CDH4: variants seen among roughly 807,000 people sequenced by gnomAD.
The protein encoded by CDH4 is cadherin 4.
CDH4 carries 33 observed loss-of-function variants against 86.0 expected under a neutral mutation model. The observed-to-expected ratio is 0.38, with a 90% CI of 0.29 to 0.51. The LOEUF (loss-of-function observed/expected upper bound fraction) is 0.51, where lower values mean the gene tolerates loss of function less well. CDH4 is among the 20% of genes least tolerant of loss of function. The probability of loss-of-function intolerance (pLI) is 0.86; values close to 1 mark genes in which losing one functional copy is unlikely to be tolerated. For synonymous variants in CDH4, 555 were observed against 549.4 expected (o/e 1.01, Z -0.14); for missense variants, 1,114 against 1,307.4 (o/e 0.85, Z 2.28).
In CDH4 at chr20:61,547,404, C is replaced by T. The variant is rs549868262; in HGVS notation, c.170-196159C>T. On this transcript the variant is annotated intron_variant, in intron 2 of 15. Coordinates refer to ENST00000614565, the MANE Select transcript of CDH4 (RefSeq NM_001794.5). Reference sequence around the variant, plus strand: ...ATTTTTTTTGTATTTTTAGTAGAGACGGGGTTTCACTACATTAGCCAGGAT... The same window carrying T: ...ATTTTTTTTGTATTTTTAGTAGAGATGGGGTTTCACTACATTAGCCAGGAT... Among the ~76,000 whole-genome samples the T allele has an allele frequency of 4.6e-5, 7 of 151,716 alleles. No homozygotes were observed. The South Asian group carries it at 1.5e-3, about 32-fold the overall frequency.
chr20:61,716,403 G>A (rs772031613), intron 2 of CDH4, among the ~76,000 whole-genome samples: 6 of 152,198 alleles, frequency 3.9e-5, no homozygotes, highest in African/African-American at 7.2e-5. Flanking sequence ...AGGGGTGGAC[G>A]CTCATCACCT....
chr20:61,489,651 G>A (rs759486159), intron 2 of CDH4, among the ~76,000 whole-genome samples: 2 of 152,254 alleles, frequency 1.3e-5, no homozygotes, highest in Non-Finnish European at 2.9e-5. Flanking sequence ...GGCCAGTCCT[G>A]ACGTTAATAA....
chr20:61,615,078 T>A (rs1291056620), intron 2 of CDH4, among the ~76,000 whole-genome samples: 2 of 151,966 alleles, frequency 1.3e-5, no homozygotes, highest in Non-Finnish European at 2.9e-5. Context: ...TTCTCTGCAT[T>A]GGAAATGTGT....
chr20:61,765,537 C>T (rs1397053512), intron 3 of CDH4, among the ~76,000 whole-genome samples: 2 of 152,196 alleles, frequency 1.3e-5, no homozygotes, highest in African/African-American at 4.8e-5. Context: ...AGCTCAGCTG[C>T]AGCAGAGCAG....
chr20:61,692,293 CTGTG>C lies in CDH4; in HGVS notation c.170-51260_170-51257del, dbSNP rs536903165. Among the ~76,000 whole-genome samples the C allele has an allele frequency of 1.5e-3, 223 of 149,412 alleles. 1 individual carries two copies. Among genetic ancestry groups the C allele is most frequent in the South Asian group, 4.8e-3 (23 of 4,754 alleles). ...TGTGTCTTTGTGTGTGTGTGTGTGTCTGTGTGTGTGTGTATGTAACTTGTTTTTA... is the reference window on the plus strand; with the variant it reads ...TGTGTCTTTGTGTGTGTGTGTGTGTCTGTGTGTGTATGTAACTTGTTTTTA... On this transcript the variant is annotated intron_variant, in intron 2 of 15. Coordinates refer to ENST00000614565, the MANE Select transcript of CDH4 (RefSeq NM_001794.5).
intron 3 of CDH4, among the ~76,000 whole-genome samples, chr20:61,750,983 T>C (rs1004368656): frequency 2.6e-5 from 4 of 152,232 alleles, no homozygotes; most frequent in African/African-American, 9.6e-5. Flanking sequence ...TGGAGGGATA[T>C]GCTGAGCTCA....
chr20:61,892,772 C>T (rs1411481989), intron 7 of CDH4, among the ~76,000 whole-genome samples: 6 of 152,164 alleles, frequency 3.9e-5, no homozygotes, highest in Non-Finnish European at 8.8e-5. Context: ...GGGCTAGGCT[C>T]AGCTGGAAAA....
intron 9 of CDH4, among the ~76,000 whole-genome samples, chr20:61,913,268 G>T (rs905092916): frequency 6.6e-6 from 1 of 152,180 alleles, no homozygotes; most frequent in Non-Finnish European, 1.5e-5. Flanking sequence ...AAGGAAGAAG[G>T]CTGGCTCGAT....
chr20:61,342,970 G>C (rs2084656896), intron 2 of CDH4, among the ~76,000 whole-genome samples: 1 of 152,214 alleles, frequency 6.6e-6, no homozygotes, highest in African/African-American at 2.4e-5. Flanking sequence ...GAAGCCTCTT[G>C]AATATGAATG....
rs78377754 is a variant in CDH4, at chr20:61,499,512, G to A, written c.170-244051G>A. On this transcript the variant is annotated intron_variant, in intron 2 of 15. Transcript: ENST00000614565. ...AAGAAGGCAAGTGTGAGTGTGCTAG[G>A]GGGGCTTAGGGTTGTTTGTGGGCCA... 5 of 1,288,822 alleles carry A rather than the reference G, an allele frequency of 3.9e-6. No homozygotes were observed. In the Admixed American group the frequency reaches 1.1e-4, roughly 30 times the overall value. 79.8% of individuals were successfully genotyped at this position (1,288,822 alleles called of 1,614,324 possible). A position where few individuals can be genotyped will look rare whatever the true frequency, so the allele number is the denominator to read the frequency against.
intron 2 of CDH4, among the ~76,000 whole-genome samples, chr20:61,319,507 G>T (rs2084496411): frequency 6.6e-6 from 1 of 152,162 alleles, no homozygotes; most frequent in East Asian, 1.9e-4. Context: ...GCATGCGGAG[G>T]TCTCTTTGAG....
At chr20:61,767,260 TTGTG>T (rs1393620690) in intron 3 of CDH4, among the ~76,000 whole-genome samples, 1 of 152,176 alleles carries the variant, frequency 6.6e-6, no homozygotes, top group Non-Finnish European at 1.5e-5. Context: ...ATCAGTAACT[TTGTG>T]TGGATGCAGT....
intron 2 of CDH4, among the ~76,000 whole-genome samples, chr20:61,462,198 A>G (rs1215158887): frequency 6.6e-6 from 1 of 152,214 alleles, no homozygotes. Context: ...AGCCTTGCCA[A>G]AATCTTGTTA....
intron 9 of CDH4, among the ~76,000 whole-genome samples, chr20:61,920,273 GTCATGATT>G: frequency 7.1e-6 from 1 of 141,368 alleles, no homozygotes; most frequent in Non-Finnish European, 1.6e-5. Flanking sequence ...ATGGAAGCGT[GTCATGATT>G]GTGTGGAAGC....
chr20:61,814,758 A>G (rs764820721), intron 4 of CDH4, among the ~76,000 whole-genome samples: 5 of 152,310 alleles, frequency 3.3e-5, no homozygotes, highest in African/African-American at 9.6e-5. Context: ...CCTCCTTGCT[A>G]TTGAGCAAAC....
intron 2 of CDH4, among the ~76,000 whole-genome samples, chr20:61,534,665 CTTT>C (rs34309371): frequency 8.5e-4 from 65 of 76,066 alleles, no homozygotes; most frequent in African/African-American, 6.8e-3. Context: ...TTCTTTCTTT[CTTT>C]TTTTTTTTTT....
chr20:61,654,276 C>T (rs1047538596), intron 2 of CDH4, among the ~76,000 whole-genome samples: 21 of 152,196 alleles, frequency 1.4e-4, no homozygotes, highest in African/African-American at 5.1e-4. Flanking sequence ...AACATGAAAA[C>T]CAGTCAGGCG....
At chr20:61,895,427 T>C (rs574859844) in intron 8 of CDH4, among the ~76,000 whole-genome samples, 185 of 152,274 alleles carry the variant, frequency 1.2e-3, no homozygotes, top group African/African-American at 4.0e-3. Context: ...TCCATCCCTG[T>C]GTGTGGAACT....
intron 2 of CDH4, among the ~76,000 whole-genome samples, chr20:61,433,642 A>G (rs182825883): frequency 9.2e-5 from 14 of 152,282 alleles, no homozygotes; most frequent in Non-Finnish European, 1.5e-4. Flanking sequence ...GCACAAAAGA[A>G]AGTGAGAGCC....
Sources: allele counts gnomAD v4.1 joint callset (sites outside exome capture counted in the v4.1 genomes callset), GRCh38; gene constraint gnomAD v4.1.1; transcripts MANE v1.5; gene names NCBI Gene and HGNC (gene_info 2026-07-23, HGNC 2026-07-21).